The following FAM114A2 variants were observed in gnomAD, a reference collection of about 807,000 sequenced individuals.
The protein encoded by FAM114A2 is protein FAM114A2.
A neutral mutation model predicts 58.4 loss-of-function variants in FAM114A2; 53 were observed. The ratio of observed to expected loss-of-function variants is 0.91; its 90% CI spans 0.73 to 1.14. FAM114A2 has a LOEUF of 1.14. Among genes scored for constraint, FAM114A2 ranks in the 50% most tolerant of loss-of-function variants. The pLI is 0.00. For missense variants in FAM114A2, 601 were observed against 581.1 expected (o/e 1.03, Z -0.35); for synonymous variants, 228 against 211.4 (o/e 1.08, Z -0.68).
chr5:154,006,973 T>C (rs745915847), intron 9 of FAM114A2, among the ~76,000 whole-genome samples: 2 of 152,014 alleles, frequency 1.3e-5, no homozygotes, highest in Non-Finnish European at 2.9e-5. Context: ...ATTTTTGTAG[T>C]TTTAATACAG....
chr5:154,019,194 T>C (rs959385091), intron 8 of FAM114A2, among the ~76,000 whole-genome samples: 18 of 152,300 alleles, frequency 1.2e-4, no homozygotes, highest in Non-Finnish European at 5.9e-5. Flanking sequence ...GCAATGTTTC[T>C]GGATACAAAA....
At chr5:154,021,626 C>A (rs746198922) in intron 8 of FAM114A2, among the ~76,000 whole-genome samples, 1 of 152,110 alleles carries the variant, frequency 6.6e-6, no homozygotes, top group Non-Finnish European at 1.5e-5. Flanking sequence ...AACCACAAAC[C>A]ACTGCTCAAC....
rs1770688639 is a variant in FAM114A2, at chr5:154,011,388, G to T, written c.914-68C>A. 4 of 1,006,812 alleles carry T rather than the reference G, an allele frequency of 4.0e-6. No homozygotes were observed. The East Asian group carries it at 7.2e-5, about 18-fold the overall frequency. The allele number at this position is 1,006,812 out of a possible 1,614,324, so 62.4% of individuals were successfully genotyped here. On this transcript the variant is annotated intron_variant, in intron 8 of 13. Transcript: ENST00000351797. ...TGAGGATCATGAGGTGGCAGGCGAGGAGGAAGAGGAGAGGAGTGGTAATAG... is the reference window on the plus strand; with the variant it reads ...TGAGGATCATGAGGTGGCAGGCGAGTAGGAAGAGGAGAGGAGTGGTAATAG...
In FAM114A2 at chr5:154,034,812, A is replaced by G. The variant is rs1331270558; in HGVS notation, c.142T>C (p.Ser48Pro). ...KPESKSEPVVSTRKRPETKPS... is the reference protein window; with the variant it reads ...KPESKSEPVVPTRKRPETKPS... ...TTGGTCTCTGGTCTTTTCCGAGTGG[A>G]AACTACAGGTTCTGATTTACTCTCT... The change falls in exon 2 of 14, where the codon TCC (serine) becomes CCC (proline). Residue 48 changes from serine to proline, a missense_variant. By Grantham distance (74) the Ser-to-Pro change is moderately conservative. Coordinates refer to ENST00000351797, the MANE Select transcript of FAM114A2 (RefSeq NM_018691.4). The G allele has an allele frequency of 1.2e-6, 2 of 1,614,038 alleles. No individual in the cohort carries two copies. The highest frequency in any genetic ancestry group is 2.2e-5 in the East Asian group (1 of 44,868).
chr5:154,029,489 T>C lies in FAM114A2; in HGVS notation c.495A>G (p.Thr165=), dbSNP rs1772031236. The C allele has an allele frequency of 1.3e-6, 2 of 1,568,144 alleles. No homozygotes were observed. The highest frequency in any genetic ancestry group is 1.8e-6 in the Non-Finnish European group (2 of 1,139,270). Residue 165 remains threonine (T), a splice_region_variant and synonymous_variant, in exon 5 of 14, where the codon ACA becomes ACG. Coordinates refer to ENST00000351797, the MANE Select transcript of FAM114A2 (RefSeq NM_018691.4). ...GACCACCTTGCACTTTTTTACTTAC[T>C]GTGCTCTGAACAGCAGTAGAGATGG... is the stretch of plus-strand genomic sequence containing the variant. ...FSTISTAVQS[T]GKSVISGGLD... is the part of the protein sequence containing the mutation.
At chr5:153,999,627 C>A in intron 11 of FAM114A2, among the ~76,000 whole-genome samples, 1 of 142,956 alleles carries the variant, frequency 7.0e-6, no homozygotes, top group Non-Finnish European at 1.5e-5. Flanking sequence ...AGCAAGACTC[C>A]ATCTCAAAAA....
intron 8 of FAM114A2, among the ~76,000 whole-genome samples, chr5:154,020,049 G>C (rs1382308671): frequency 1.3e-5 from 2 of 152,162 alleles, no homozygotes; most frequent in Non-Finnish European, 2.9e-5. Context: ...AATGACCACT[G>C]GGTACCTAAC....
At chr5:154,002,486 C>T in intron 10 of FAM114A2, 96 bp from the exon 11 acceptor site, 2 of 1,278,720 alleles carry the variant, frequency 1.6e-6, no homozygotes, top group Non-Finnish European at 2.2e-6. Flanking sequence ...GTAGCAGAGA[C>T]TAATAGTTGC....
chr5:154,008,779 G>A (rs1475268517), intron 9 of FAM114A2, among the ~76,000 whole-genome samples: 2 of 151,996 alleles, frequency 1.3e-5, no homozygotes, highest in Non-Finnish European at 2.9e-5. Flanking sequence ...TTTGGATAAG[G>A]GATACTCAAT....
chr5:154,002,660 C>T lies in FAM114A2; in HGVS notation c.1116+187G>A, dbSNP rs114020061. 0.019 allele frequency among the ~76,000 whole-genome samples: 2,865 copies of T among 152,228 alleles called. 58 individuals carry two copies. The highest frequency in any genetic ancestry group is 0.025 in the Non-Finnish European group (1,719 of 68,002). ...AACCTTCCTCATGACAAAACACACG[C>T]GCATCCTTTCTCTCTTTTTTTCTTC... On this transcript the variant is annotated intron_variant, in intron 10 of 13. Coordinates refer to ENST00000351797, the MANE Select transcript of FAM114A2 (RefSeq NM_018691.4).
intron 11 of FAM114A2, among the ~76,000 whole-genome samples, chr5:154,000,264 GA>G (rs2113214580): frequency 6.6e-6 from 1 of 152,044 alleles, no homozygotes; most frequent in African/African-American, 2.4e-5. Flanking sequence ...CAGTTAGATA[GA>G]AAAAAATAAA....
chr5:154,009,587 T>C (rs898777479), intron 9 of FAM114A2, among the ~76,000 whole-genome samples: 2 of 152,080 alleles, frequency 1.3e-5, no homozygotes, highest in Non-Finnish European at 2.9e-5. Flanking sequence ...ATTAGCAAGA[T>C]AGGAAAATAA....
intron 8 of FAM114A2, among the ~76,000 whole-genome samples, chr5:154,025,111 C>A (rs1205976432): frequency 6.6e-6 from 1 of 152,010 alleles, no homozygotes; most frequent in Non-Finnish European, 1.5e-5. Flanking sequence ...TGGTATTCCA[C>A]GAAAAAAGCA....
chr5:154,004,795 A>T (rs1231822178), intron 9 of FAM114A2, among the ~76,000 whole-genome samples: 3 of 151,724 alleles, frequency 2.0e-5, no homozygotes, highest in South Asian at 4.2e-4. Flanking sequence ...TCTGCTTCTG[A>T]TCTGTTTATC....
Position 153,992,836 on chromosome 5 carries a change from A to G in FAM114A2, c.*140T>C, listed in dbSNP as rs918447493. The stretch of plus-strand genomic sequence containing the variant: ...ACTTCAATCAAACACTGAAGGCAAC[A>G]ATCTTCCTCTTTAAACCATCTCTCC... On this transcript the variant is annotated 3_prime_UTR_variant, in exon 14 of 14. Coordinates refer to ENST00000351797, the MANE Select transcript of FAM114A2 (RefSeq NM_018691.4). 3 of 629,468 alleles carry G rather than the reference A, an allele frequency of 4.8e-6. No individual in the cohort carries two copies. Among genetic ancestry groups the G allele is most frequent in the Non-Finnish European group, 7.9e-6 (3 of 378,750 alleles). 39.0% of individuals were successfully genotyped at this position (629,468 alleles called of 1,614,324 possible). A position where few individuals can be genotyped will look rare whatever the true frequency, so the allele number is the denominator to read the frequency against.
chr5:154,029,414 G>A (rs887169724), intron 5 of FAM114A2, 75 bp downstream of exon 5: 2 of 881,676 alleles, frequency 2.3e-6, no homozygotes, highest in Non-Finnish European at 3.8e-6. Context: ...GCTGTTCAAA[G>A]AAAAGAGAGA....
rs1239412671 is a variant in FAM114A2, at chr5:154,027,189, T to C, written c.776A>G (p.Glu259Gly). ...HLEALEMLSQ[E>G]SEIKVKSILN... ...GCTTGGAATTACCTTTATTTCACTT[T>C]CTTGGGAAAGCATCTCCAGAGCTTC... The change falls in exon 7 of 14, where the codon GAA (glutamate) becomes GGA (glycine). Residue 259 changes from glutamate to glycine, a missense_variant. Physicochemically the swap from Glu to Gly is moderately conservative, Grantham distance 98 (BLOSUM62 -2). Transcript: ENST00000351797. 10 of 1,609,152 alleles carry C rather than the reference T, an allele frequency of 6.2e-6. No homozygotes were observed. Among genetic ancestry groups the C allele is most frequent in the Non-Finnish European group, 8.5e-6 (10 of 1,178,608 alleles).
At chr5:153,996,860 G>A (rs1227791997) in intron 12 of FAM114A2, among the ~76,000 whole-genome samples, 1 of 151,956 alleles carries the variant, frequency 6.6e-6, no homozygotes, top group Non-Finnish European at 1.5e-5. Context: ...GGCTGGGCAT[G>A]GTGGCAGGTG....
In FAM114A2 at chr5:154,026,436, T is replaced by C; in HGVS notation, c.876A>G (p.Leu292=). The C allele has an allele frequency of 6.3e-7, 1 of 1,581,394 alleles. No individual in the cohort carries two copies. The highest frequency in any genetic ancestry group is 1.2e-5 in the South Asian group (1 of 85,044). The change falls in exon 8 of 14, where the codon CTA becomes CTG. Residue 292 remains leucine (L), a synonymous_variant. Transcript: ENST00000351797. ...CTTCCTCTTCTTCACAAAATTCTGC[T>C]AGAGAAAATGTTTCTTTGAGTTGCT... is the stretch of plus-strand genomic sequence containing the variant. The part of the protein sequence containing the change: ...ELEQLKETFS[L]AEFCEEEEEE...
Sources: allele counts gnomAD v4.1 joint callset (sites outside exome capture counted in the v4.1 genomes callset), GRCh38; gene constraint gnomAD v4.1.1; transcripts MANE v1.5; gene names NCBI Gene and HGNC (gene_info 2026-07-23, HGNC 2026-07-21).